The following PXDNL variants were observed in gnomAD, a reference collection of about 807,000 sequenced individuals.
The protein encoded by PXDNL is peroxidasin like, also known as probable oxidoreductase PXDNL.
Under a neutral mutation model 150.8 loss-of-function variants are expected in PXDNL, and 145 were observed. That is an observed-to-expected ratio of 0.96 (90% CI 0.84 to 1.10). PXDNL has a LOEUF of 1.10. Among genes scored for constraint, PXDNL ranks in the 50% least tolerant of loss-of-function variants. The pLI, the probability that PXDNL is intolerant of heterozygous loss-of-function variation, is 0.00. For synonymous variants in PXDNL, 757 were observed against 725.7 expected (o/e 1.04, Z -0.69); for missense variants, 2,087 against 1,873.9 (o/e 1.11, Z -2.10).
chr8:51,700,240 C>G (rs1205783582), intron 1 of PXDNL, among the ~76,000 whole-genome samples: 1 of 142,016 alleles, frequency 7.0e-6, no homozygotes, highest in East Asian at 2.1e-4. Context: ...CATATACATA[C>G]CCACACATAT....
rs1335125969 is a variant in PXDNL at position 51,607,868 on chromosome 8, G to GGAAGGAAGGAAGGAAA, written c.237-15171_237-15170insTTTCCTTCCTTCCTTC. ...AAAAAGGAAGAGAGGAAGGAAGGAA[G>GGAAGGAAGGAAGGAAA]GAAGGAAGGAAGGAAGGAAGGAAGG... On this transcript the variant is annotated intron_variant, in intron 2 of 22. Coordinates refer to ENST00000356297, the MANE Select transcript of PXDNL (RefSeq NM_144651.5). 7.0e-3 allele frequency among the ~76,000 whole-genome samples: 806 copies of GGAAGGAAGGAAGGAAA among 115,226 alleles called. 12 individuals carry two copies. Among genetic ancestry groups the GGAAGGAAGGAAGGAAA allele is most frequent in the South Asian group, 0.018 (54 of 3,072 alleles). 75.6% of individuals were successfully genotyped at this position (115,226 alleles called of 152,430 possible).
intron 17 of PXDNL, among the ~76,000 whole-genome samples, chr8:51,390,749 T>TTTA (rs1807872930): frequency 6.6e-6 from 1 of 151,990 alleles, no homozygotes; most frequent in South Asian, 2.1e-4. Context: ...TTTTTTTTAT[T>TTTA]TTATTATTAT....
intron 14 of PXDNL, among the ~76,000 whole-genome samples, chr8:51,420,904 G>T (rs1755411327): frequency 6.6e-6 from 1 of 152,128 alleles, no homozygotes; most frequent in South Asian, 2.1e-4. Flanking sequence ...TGGCCAGGCT[G>T]GTCTCGAACT....
chr8:51,700,585 CA>C (rs60647240), intron 1 of PXDNL, among the ~76,000 whole-genome samples: 1 of 9,428 alleles, frequency 1.1e-4, no homozygotes, highest in Non-Finnish European at 2.3e-4. Context: ...CCCATATACA[CA>C]CATATACACA....
chr8:51,504,068 A>T (rs1811237694), intron 4 of PXDNL, among the ~76,000 whole-genome samples: 1 of 151,172 alleles, frequency 6.6e-6, no homozygotes, highest in South Asian at 2.1e-4. Context: ...TGTCTCCCTC[A>T]CTCCCTGTAT....
intron 5 of PXDNL, among the ~76,000 whole-genome samples, chr8:51,492,971 G>C (rs1226602830): frequency 6.6e-6 from 1 of 152,150 alleles, no homozygotes; most frequent in Non-Finnish European, 1.5e-5. Flanking sequence ...CCTGAGAATG[G>C]ACAAACTGCC....
intron 4 of PXDNL, among the ~76,000 whole-genome samples, chr8:51,515,281 A>G (rs569181101): frequency 5.3e-5 from 8 of 152,240 alleles, no homozygotes; most frequent in African/African-American, 1.9e-4. Flanking sequence ...GATCATCCAC[A>G]GACGATAGGG....
At chr8:51,559,330 A>ACCCCCCCCCCCCC (rs59230172) in intron 3 of PXDNL, among the ~76,000 whole-genome samples, 4 of 98,146 alleles carry the variant, frequency 4.1e-5, no homozygotes, top group African/African-American at 5.8e-5. Flanking sequence ...TTTCTTCCAA[A>ACCCCCCCCCCCCC]CCCCCCCCCC....
chr8:51,724,092 GC>G (rs1416395459), intron 1 of PXDNL, among the ~76,000 whole-genome samples: 1 of 151,964 alleles, frequency 6.6e-6, no homozygotes, highest in Non-Finnish European at 1.5e-5. Flanking sequence ...GGGGTGGGGT[GC>G]TACTCACAGA....
chr8:51,779,356 G>A (rs967488706), intron 1 of PXDNL, among the ~76,000 whole-genome samples: 5 of 152,188 alleles, frequency 3.3e-5, no homozygotes, highest in Admixed American at 2.0e-4. Context: ...TGAGTTTCCA[G>A]GGTATCTGAG....
chr8:51,402,345 G>A (rs898200281), intron 17 of PXDNL, among the ~76,000 whole-genome samples: 2 of 152,052 alleles, frequency 1.3e-5, no homozygotes, highest in Non-Finnish European at 2.9e-5. Flanking sequence ...GGCTAACATG[G>A]TGAGACCCAA....
At chr8:51,699,286 C>CGAT (rs1206985217) in intron 1 of PXDNL, among the ~76,000 whole-genome samples, 1 of 152,128 alleles carries the variant, frequency 6.6e-6, no homozygotes, top group African/African-American at 2.4e-5. Context: ...CTGGATAACT[C>CGAT]GATGCTAAGC....
Position 51,366,988 on chromosome 8 carries a change from C to A in PXDNL, c.3901+4885G>T, listed in dbSNP as rs572795788. Among the ~76,000 whole-genome samples, 35 of 149,684 alleles carry A rather than the reference C, an allele frequency of 2.3e-4. No homozygotes were observed. In the East Asian group the frequency reaches 6.7e-3, roughly 29 times the overall value. On this transcript the variant is annotated intron_variant, in intron 19 of 22. Coordinates refer to ENST00000356297, the MANE Select transcript of PXDNL (RefSeq NM_144651.5). ...TGGTGGTGGGCACCTGTAGTCCCAGCTACTTTGGAGGCTGAGGCAGGGGAA... is the reference window on the plus strand; with the variant it reads ...TGGTGGTGGGCACCTGTAGTCCCAGATACTTTGGAGGCTGAGGCAGGGGAA...
intron 17 of PXDNL, among the ~76,000 whole-genome samples, chr8:51,407,746 T>C (rs1808476700): frequency 6.6e-6 from 1 of 152,194 alleles, no homozygotes; most frequent in African/African-American, 2.4e-5. Context: ...TATGGCCTCA[T>C]ATCAACAAAA....
chr8:51,410,924 C>T (rs1343092289), intron 16 of PXDNL, among the ~76,000 whole-genome samples: 3 of 152,104 alleles, frequency 2.0e-5, no homozygotes, highest in Non-Finnish European at 4.4e-5. Flanking sequence ...GGAAGAATAT[C>T]CCCCTGGTAA....
chr8:51,741,297 T>C (rs1232717710), intron 1 of PXDNL, among the ~76,000 whole-genome samples: 2 of 152,184 alleles, frequency 1.3e-5, no homozygotes. Context: ...AATTAGTGTG[T>C]AGAAGTCTAA....
intron 3 of PXDNL, among the ~76,000 whole-genome samples, chr8:51,567,793 T>C (rs1366860701): frequency 6.6e-6 from 1 of 151,802 alleles, no homozygotes; most frequent in African/African-American, 2.4e-5. Flanking sequence ...TATAAAACGA[T>C]GCGACATTTA....
At chr8:51,455,886 T>C (rs1809928598) in intron 9 of PXDNL, among the ~76,000 whole-genome samples, 1 of 152,214 alleles carries the variant, frequency 6.6e-6, no homozygotes, top group Non-Finnish European at 1.5e-5. Context: ...AGTGAGACCT[T>C]GTCTCTACAA....
At chr8:51,733,839 TATATATATG>T (rs1037892734) in intron 1 of PXDNL, among the ~76,000 whole-genome samples, 5 of 146,708 alleles carry the variant, frequency 3.4e-5, no homozygotes, top group African/African-American at 5.0e-5. Context: ...ATATAATTTA[TATATATATG>T]ATATATATGA....
Sources: allele counts gnomAD v4.1 joint callset (sites outside exome capture counted in the v4.1 genomes callset), GRCh38; gene constraint gnomAD v4.1.1; transcripts MANE v1.5; gene names NCBI Gene and HGNC (gene_info 2026-07-23, HGNC 2026-07-21).